FAM149A: variants seen among roughly 807,000 people sequenced by gnomAD.
The protein encoded by FAM149A is protein FAM149A.
In FAM149A, 71 loss-of-function variants were observed where a neutral mutation model predicts 78.2. That is an observed-to-expected ratio of 0.91 (90% CI 0.75 to 1.11). FAM149A has a LOEUF of 1.11. Among genes scored for constraint, FAM149A ranks in the 50% least tolerant of loss-of-function variants. The pLI is 0.00. For synonymous variants in FAM149A, 446 were observed against 410.5 expected, an observed-to-expected ratio of 1.09 and a Z score of -1.04; for missense variants, 1,036 against 971.0, an observed-to-expected ratio of 1.07 and a Z score of -0.89.
chr4:186,148,219 C>T (rs1386502986), intron 1 of FAM149A, among the ~76,000 whole-genome samples: 2 of 152,132 alleles, frequency 1.3e-5, no homozygotes, highest in East Asian at 3.9e-4. Context: ...CCCAGCTACT[C>T]AGGAGGCTGA....
chr4:186,160,754 CCACA>C lies in FAM149A; in HGVS notation c.1576-2083_1576-2080del, dbSNP rs1170285437. The C allele has an allele frequency of 8.3e-6, 8 of 963,184 alleles. No individual in the cohort carries two copies. The South Asian group carries it at 1.5e-4, about 17-fold the overall frequency. The allele number at this position is 963,184 out of a possible 1,614,324, so 59.7% of individuals were successfully genotyped here. A position where few individuals can be genotyped will look rare whatever the true frequency, so the allele number is the denominator to read the frequency against. On this transcript the variant is annotated intron_variant, in intron 8 of 13. Coordinates refer to ENST00000389354, the MANE Select transcript of FAM149A (RefSeq NM_001367768.3). ...CACACCCCACACACACCACACCACACCACACACACACCACATCACACCACACCAC... is the reference window on the plus strand; with the variant it reads ...CACACCCCACACACACCACACCACACCACACACCACATCACACCACACCAC...
intron 1 of FAM149A, among the ~76,000 whole-genome samples, chr4:186,141,463 T>C (rs6552955): frequency 0.9 from 136,721 of 152,218 alleles, 61,614 homozygotes; most frequent in African/African-American, 0.97. Flanking sequence ...TGTATGTATT[T>C]ACATTATATT....
chr4:186,172,013 C>G lies in FAM149A; in HGVS notation c.*26C>G, dbSNP rs750219893. On this transcript the variant is annotated 3_prime_UTR_variant, in exon 14 of 14. Transcript: ENST00000389354. ...AACCACCTCACCAGAACCATTGGAGCACCTGTGGCCTCGGCACACTGCTTA... is the reference window on the plus strand; with the variant it reads ...AACCACCTCACCAGAACCATTGGAGGACCTGTGGCCTCGGCACACTGCTTA... 6.2e-7 allele frequency: 1 copy of G among 1,607,058 alleles called. No homozygotes were observed. Among genetic ancestry groups the G allele is most frequent in the Non-Finnish European group, 8.5e-7 (1 of 1,177,028 alleles).
chr4:186,161,776 G>C (rs985928876), intron 8 of FAM149A, among the ~76,000 whole-genome samples: 2 of 152,310 alleles, frequency 1.3e-5, no homozygotes, highest in African/African-American at 4.8e-5. Flanking sequence ...AGGTGTTCTA[G>C]TTCTAATTAT....
rs972291200 is a variant in FAM149A, at chr4:186,174,521, C to A, written c.*2534C>A. 1.6e-4 allele frequency among the ~76,000 whole-genome samples: 18 copies of A among 110,930 alleles called. 4 individuals are homozygous for A. Among genetic ancestry groups the A allele is most frequent in the African/African-American group, 5.1e-4 (18 of 35,414 alleles). 72.8% of individuals were successfully genotyped at this position (110,930 alleles called of 152,430 possible). On this transcript the variant is annotated 3_prime_UTR_variant, in exon 14 of 14. Coordinates refer to ENST00000389354, the MANE Select transcript of FAM149A (RefSeq NM_001367768.3). ...GATAAAATGTTTTTTCTTTGAAAAC[C>A]ACTGAATATACTTTATGGTAGCTTT...
rs1241743204 is a variant in FAM149A, at chr4:186,162,908, C to G, written c.1639C>G (p.Pro547Ala). 1 of 1,605,234 alleles carries G rather than the reference C, an allele frequency of 6.2e-7. No homozygotes were observed. Among genetic ancestry groups the G allele is most frequent in the Non-Finnish European group, 8.5e-7 (1 of 1,176,760 alleles). ...TGGTGTCATGACAATTCAAGCAAAA[C>G]CGCTTCAGCGGAGACCTGCCTATTT... The change falls in exon 9 of 14, where the codon CCG becomes GCG. Residue 547 changes from proline to alanine, a missense_variant. This residue lies in a region of FAM149A where 716 missense variants were observed against 711.8 expected (regional missense o/e 1.01). Transcript: ENST00000389354.
At chr4:186,127,250 A>G (rs912427359) in intron 1 of FAM149A, 1 of 968,216 alleles carries the variant, frequency 1.0e-6, no homozygotes. Context: ...ATGCCCACAA[A>G]TCTCAACTCA....
At chr4:186,159,859 T>G (rs1734370531) in intron 8 of FAM149A, among the ~76,000 whole-genome samples, 1 of 122,262 alleles carries the variant, frequency 8.2e-6, no homozygotes. Context: ...GGAGTCCTAG[T>G]CCTGAGCTAC....
chr4:186,125,241 T>C (rs1732715192), intron 1 of FAM149A: 1 of 985,132 alleles, frequency 1.0e-6, no homozygotes, highest in Middle Eastern at 5.2e-4. Context: ...CTCTAAGTAA[T>C]GATGCAGTTC....
chr4:186,149,007 T>G (rs894258800), intron 1 of FAM149A, 166 bp from the exon 2 acceptor site: 1 of 151,720 alleles, frequency 6.6e-6, no homozygotes, highest in Non-Finnish European at 1.4e-5. Flanking sequence ...GGGGTGTGTG[T>G]GTGTGTGTGT....
intron 1 of FAM149A, among the ~76,000 whole-genome samples, chr4:186,113,286 CTTTTT>C (rs1332104307): frequency 8.1e-6 from 1 of 123,316 alleles, no homozygotes; most frequent in African/African-American, 3.1e-5. Context: ...ATTCTTCTCT[CTTTTT>C]TTATTAGTCT....
At chr4:186,137,000 C>CTCTT (rs2099323542) in intron 1 of FAM149A, among the ~76,000 whole-genome samples, 1 of 136,850 alleles carries the variant, frequency 7.3e-6, no homozygotes, top group African/African-American at 2.9e-5. Context: ...CTCTCTCTCT[C>CTCTT]TCTCTCTCTC....
At chr4:186,143,303 T>C (rs1201967144) in intron 1 of FAM149A, among the ~76,000 whole-genome samples, 1 of 151,780 alleles carries the variant, frequency 6.6e-6, no homozygotes, top group Non-Finnish European at 1.5e-5. Flanking sequence ...CTTTCTTTTG[T>C]TTCCCTGGCA....
At chr4:186,157,758 C>G (rs1387647286) in intron 8 of FAM149A, 39 bp downstream of exon 8, 1 of 1,581,594 alleles carries the variant, frequency 6.3e-7, no homozygotes, top group South Asian at 1.2e-5. Context: ...TGCCTTCACT[C>G]TGTGTGTCTG....
chr4:186,147,041 AAAGAAAC>A lies in FAM149A; in HGVS notation c.567-2126_567-2120del, dbSNP rs1191417414. The A allele has an allele frequency of 7.6e-6, 7 of 921,770 alleles. No individual in the cohort carries two copies. In the African/African-American group the frequency reaches 1.3e-4, roughly 16 times the overall value. The allele number at this position is 921,770 out of a possible 1,614,324, so 57.1% of individuals were successfully genotyped here. ...TAATACAAAATGCTATGGGAGGTCC[AAAGAAAC>A]AAGAACACAGCATCTTCGTAGAGTA... On this transcript the variant is annotated intron_variant, in intron 1 of 13. Transcript: ENST00000389354.
At chr4:186,147,401 TA>T (rs943605654) in intron 1 of FAM149A, among the ~76,000 whole-genome samples, 13 of 152,220 alleles carry the variant, frequency 8.5e-5, no homozygotes, top group African/African-American at 3.1e-4. Context: ...AATAATAACA[TA>T]ACAATAATAA....
At chr4:186,137,440 A>G (rs1045120977) in intron 1 of FAM149A, among the ~76,000 whole-genome samples, 3 of 152,056 alleles carry the variant, frequency 2.0e-5, no homozygotes, top group Middle Eastern at 3.2e-3. Flanking sequence ...CATGGTACGC[A>G]CTTTCTGTCG....
chr4:186,114,112 CTCT>C (rs1233935861), intron 1 of FAM149A, among the ~76,000 whole-genome samples: 6 of 96,476 alleles, frequency 6.2e-5, no homozygotes, highest in Non-Finnish European at 8.4e-5. Context: ...GGATAGTTAG[CTCT>C]TCTTGTTGAA....
At chr4:186,116,458 C>T in intron 1 of FAM149A, 1 of 984,738 alleles carries the variant, frequency 1.0e-6, no homozygotes, top group East Asian at 1.1e-4. Flanking sequence ...ATGACCATTA[C>T]TGTCATTAAA....
Sources: allele counts gnomAD v4.1 joint callset (sites outside exome capture counted in the v4.1 genomes callset), GRCh38; gene constraint gnomAD v4.1.1; regional missense constraint gnomAD v4.1.1; transcripts MANE v1.5; gene names NCBI Gene and HGNC (gene_info 2026-07-23, HGNC 2026-07-21).